PSD3: variants seen among roughly 807,000 people sequenced by gnomAD.
PSD3 encodes PH and SEC7 domain-containing protein 3.
In PSD3, 49 loss-of-function variants were observed where a neutral mutation model predicts 105.5. The observed-to-expected ratio is 0.46, with a 90% confidence interval of 0.37 to 0.59. The LOEUF is 0.59. Ranked by LOEUF, PSD3 falls within the 20% of genes least tolerant of loss-of-function variation. The probability of loss-of-function intolerance (pLI) is 0.00; values close to 1 mark genes in which losing one functional copy is unlikely to be tolerated. For synonymous variants in PSD3, 557 were observed against 457.8 expected, an observed-to-expected ratio of 1.22 and a Z score of -2.77; for missense variants, 1,561 against 1,263.8, an observed-to-expected ratio of 1.24 and a Z score of -3.57.
At chr8:18,953,051 G>A (rs921348460) in intron 1 of PSD3, among the ~76,000 whole-genome samples, 1 of 152,008 alleles carries the variant, frequency 6.6e-6, no homozygotes, top group African/African-American at 2.4e-5. Context: ...AGAAAAACAG[G>A]CAGAAGATAA....
intron 8 of PSD3, among the ~76,000 whole-genome samples, chr8:18,797,003 A>T (rs951634402): frequency 1.3e-5 from 2 of 152,176 alleles, no homozygotes; most frequent in African/African-American, 2.4e-5. Context: ...ACAACAAAAA[A>T]ATCAGGCAAT....
At chr8:18,805,827 C>A (rs970355052) in intron 4 of PSD3, among the ~76,000 whole-genome samples, 5 of 152,138 alleles carry the variant, frequency 3.3e-5, no homozygotes, top group Admixed American at 3.3e-4. Flanking sequence ...AACTTTTGTT[C>A]AAAAGCTCAA....
At chr8:18,887,774 G>C (rs1396088667) in intron 2 of PSD3, among the ~76,000 whole-genome samples, 1 of 152,134 alleles carries the variant, frequency 6.6e-6, no homozygotes, top group African/African-American at 2.4e-5. Flanking sequence ...GTGCCAAACA[G>C]GGTGCTGAAA....
rs142396699 is a variant in PSD3 at position 18,566,507 on chromosome 8, C to A, written c.2784+6021G>T. Among the ~76,000 whole-genome samples, 220 of 132,430 alleles carry A rather than the reference C, an allele frequency of 1.7e-3. 7 individuals carry two copies. In the East Asian group the frequency reaches 0.045, roughly 27 times the overall value. 86.9% of individuals were successfully genotyped at this position (132,430 alleles called of 152,430 possible). A position where few individuals can be genotyped will look rare whatever the true frequency, so the allele number is the denominator to read the frequency against. On this transcript the variant is annotated intron_variant, in intron 14 of 15. Coordinates refer to ENST00000327040, the MANE Select transcript of PSD3 (RefSeq NM_015310.4). ...AGCCACTGCACTCCAGCCTGGGCAA[C>A]AGAGCCAGACTCTGTCTCAAAAAAA...
chr8:18,745,019 G>A (rs1287053211), intron 9 of PSD3, among the ~76,000 whole-genome samples: 1 of 152,236 alleles, frequency 6.6e-6, no homozygotes, highest in Admixed American at 6.5e-5. Context: ...GGAAAGAGAA[G>A]TGATGTTAAG....
At chr8:18,676,812 G>A (rs1012054666) in intron 9 of PSD3, among the ~76,000 whole-genome samples, 1 of 152,214 alleles carries the variant, frequency 6.6e-6, no homozygotes, top group Non-Finnish European at 1.5e-5. Context: ...TGCAGAGCCA[G>A]TCAGAGGACC....
intron 1 of PSD3, among the ~76,000 whole-genome samples, chr8:18,965,514 C>A (rs1824183414): frequency 6.6e-6 from 1 of 152,186 alleles, no homozygotes; most frequent in African/African-American, 2.4e-5. Context: ...AGGACCCATG[C>A]CCGGTTGCCA....
At chr8:18,781,533 C>T (rs578056788) in intron 8 of PSD3, among the ~76,000 whole-genome samples, 49 of 152,268 alleles carry the variant, frequency 3.2e-4, no homozygotes, top group African/African-American at 1.1e-3. Flanking sequence ...GACTTTTCCA[C>T]CGTGGAACAT....
intron 1 of PSD3, among the ~76,000 whole-genome samples, chr8:19,029,796 C>A (rs1020906406): frequency 6.6e-6 from 1 of 152,104 alleles, no homozygotes; most frequent in Non-Finnish European, 1.5e-5. Context: ...GGGATTATTT[C>A]ATTAATTATT....
At position 18,804,752 on chromosome 8, in the gene PSD3, T is replaced by C. The variant is rs148167448; in HGVS notation, c.1781A>G (p.Gln594Arg). The change falls in exon 5 of 16, where the codon CAG becomes CGG. Residue 594 changes from glutamine (Q) to arginine (R), a missense_variant. Physicochemically the swap from Gln to Arg is conservative, Grantham distance 43. Transcript: ENST00000327040. ...AAKRLAKRLY[Q>R]LDRFKRSDVA... ...ATCTGATCTTTTGAATCTGTCCAGC[T>C]GATAAAGGCGTTTGGCCAACCTTTT... 6.2e-6 allele frequency: 10 copies of C among 1,614,048 alleles called. No individual in the cohort carries two copies. In the African/African-American group the frequency reaches 1.3e-4, roughly 22 times the overall value.
At chr8:18,779,443 T>C (rs1289194130) in intron 8 of PSD3, among the ~76,000 whole-genome samples, 5 of 152,112 alleles carry the variant, frequency 3.3e-5, no homozygotes, top group Admixed American at 6.5e-5. Flanking sequence ...TTTTCACCTC[T>C]AATTTAGTTC....
chr8:18,809,853 CA>C (rs138000640), intron 4 of PSD3, among the ~76,000 whole-genome samples: 2 of 151,428 alleles, frequency 1.3e-5, no homozygotes, highest in Non-Finnish European at 2.9e-5. Flanking sequence ...CCTCTAAATA[CA>C]AAAAAAACAA....
intron 4 of PSD3, among the ~76,000 whole-genome samples, chr8:18,857,755 A>G (rs1816131589): frequency 6.6e-6 from 1 of 152,188 alleles, no homozygotes. Context: ...GGATTCTGCA[A>G]TTCTAATAAG....
chr8:18,814,487 T>C (rs947235797), intron 4 of PSD3, among the ~76,000 whole-genome samples: 2 of 152,218 alleles, frequency 1.3e-5, no homozygotes, highest in Non-Finnish European at 2.9e-5. Flanking sequence ...TCACTTTTTG[T>C]TTTATTTACT....
In PSD3 at chr8:18,671,756, C is replaced by G. The variant is rs112782469; in HGVS notation, c.2173-16071G>C. ...ACGCCATTCTCCTGCCTCAGCCTCC[C>G]GAATAGCTGGGACTATAGGTGCCCG... On this transcript the variant is annotated intron_variant, in intron 9 of 15. Transcript: ENST00000327040. 9.5e-3 allele frequency among the ~76,000 whole-genome samples: 1,440 copies of G among 152,124 alleles called. 30 individuals carry two copies. The highest frequency in any genetic ancestry group is 0.033 in the African/African-American group (1,386 of 41,506).
rs559786131 is a variant in PSD3 at position 19,010,268 on chromosome 8, T to C, written c.21+3295A>G. Among the ~76,000 whole-genome samples the C allele has an allele frequency of 4.2e-4, 64 of 152,248 alleles. No individual in the cohort carries two copies. The South Asian group carries it at 0.013, about 30-fold the overall frequency. On this transcript the variant is annotated intron_variant, in intron 1 of 15. Transcript: ENST00000327040. ...CCGGTGTCACCAAGAGAGAAAATGC[T>C]CTGCCACCTCTGTGCCCTGATGTGT...
chr8:18,664,660 A>G (rs754418772), intron 9 of PSD3, among the ~76,000 whole-genome samples: 5 of 152,226 alleles, frequency 3.3e-5, no homozygotes, highest in African/African-American at 7.2e-5. Flanking sequence ...ACAGATTTTC[A>G]GTATATACAA....
At chr8:18,840,298 G>A (rs182205436) in intron 4 of PSD3, among the ~76,000 whole-genome samples, 4 of 152,294 alleles carry the variant, frequency 2.6e-5, no homozygotes, top group Admixed American at 2.0e-4. Context: ...AAACCAAAAT[G>A]TCTCAAACAC....
chr8:18,647,815 TAGTG>T (rs925564519), intron 10 of PSD3, among the ~76,000 whole-genome samples: 12 of 152,168 alleles, frequency 7.9e-5, no homozygotes, highest in Middle Eastern at 3.2e-3. Context: ...GTTCTCATGA[TAGTG>T]AGTGAGTGAG....
Sources: gnomAD v4.1 joint callset for allele counts (sites outside exome capture counted in the v4.1 genomes callset) on GRCh38, gnomAD v4.1.1 for gene constraint, MANE v1.5 for transcripts, NCBI Gene and HGNC (gene_info 2026-07-23, HGNC 2026-07-21) for gene names.